Variants in BACE2 observed in about 807,000 individuals in gnomAD.
The protein encoded by BACE2 is 56 kDa aspartic-like protease.
A neutral mutation model predicts 46.2 loss-of-function variants in BACE2; 17 were observed. The ratio of observed to expected loss-of-function variants is 0.37; its 90% CI spans 0.25 to 0.55. The LOEUF (loss-of-function observed/expected upper bound fraction) is 0.55. BACE2 is among the 20% of genes least tolerant of loss of function. BACE2 has a pLI of 0.82. For synonymous variants in BACE2, 277 were observed against 295.9 expected (o/e 0.94, Z 0.66); for missense variants, 595 against 698.1 (o/e 0.85, Z 1.66).
Position 41,281,261 on chromosome 21 carries a change from A to G in BACE2, c.*5637A>G, listed in dbSNP as rs2088545388. The G allele has an allele frequency of 2.0e-5, 3 of 152,222 alleles. No individual in the cohort carries two copies. The South Asian group carries it at 6.2e-4, about 32-fold the overall frequency. 9.4% of individuals were successfully genotyped at this position (152,222 alleles called of 1,614,324 possible). On this transcript the variant is annotated 3_prime_UTR_variant, in exon 9 of 9. Transcript: ENST00000330333. Reference sequence around the variant, plus strand: ...CCATCTGAGTAAAATATTTTTTCCAATGTAGATTTATAATTAGAAATGACA... The same window carrying G: ...CCATCTGAGTAAAATATTTTTTCCAGTGTAGATTTATAATTAGAAATGACA...
chr21:41,211,054 A>G (rs914182), intron 1 of BACE2, among the ~76,000 whole-genome samples: 49,649 of 151,946 alleles, frequency 0.33, 8,811 homozygotes, highest in Middle Eastern at 0.46. Context: ...ACCTTCCCAA[A>G]TGTATAAATA....
At chr21:41,218,891 TCTC>T (rs1365417120) in intron 1 of BACE2, among the ~76,000 whole-genome samples, 1 of 145,978 alleles carries the variant, frequency 6.9e-6, no homozygotes, top group African/African-American at 2.6e-5. Context: ...TGTGACAGAG[TCTC>T]GCTCTGTCAC....
Position 41,246,007 on chromosome 21 carries a change from C to T in BACE2, c.928C>T (p.Arg310Cys), listed in dbSNP as rs967519091. 3 of 1,611,204 alleles carry T rather than the reference C, an allele frequency of 1.9e-6. No individual in the cohort carries two copies. The highest frequency in any genetic ancestry group is 1.1e-5 in the South Asian group (1 of 90,218). ...AIVDSGTTLLRLPQKVFDAVV... is the reference protein window; with the variant it reads ...AIVDSGTTLLCLPQKVFDAVV... ...CGTGGACAGTGGCACCACGCTGCTG[C>T]GCCTGCCCCAGAAGGTGTTTGATGC... The change falls in exon 6 of 9, where the codon CGC (arginine) becomes TGC (cysteine). Residue 310 changes from arginine to cysteine, a missense_variant. Coordinates refer to ENST00000330333, the MANE Select transcript of BACE2 (RefSeq NM_012105.5).
chr21:41,243,018 A>G (rs544048290), intron 4 of BACE2, among the ~76,000 whole-genome samples: 1 of 151,942 alleles, frequency 6.6e-6, no homozygotes, highest in Non-Finnish European at 1.5e-5. Context: ...TGTTCAAGCG[A>G]TTCTCCTGCC....
chr21:41,198,420 G>A (rs545495721), intron 1 of BACE2, among the ~76,000 whole-genome samples: 1 of 152,356 alleles, frequency 6.6e-6, no homozygotes, highest in East Asian at 1.9e-4. Context: ...CTGTTTCTGA[G>A]TTGAGTCGTA....
chr21:41,180,411 C>G (rs1320180116), intron 1 of BACE2: 1 of 169,206 alleles, frequency 5.9e-6, no homozygotes, highest in Non-Finnish European at 1.4e-5. Context: ...GTAACTACTT[C>G]CTGCTGAGTT....
chr21:41,198,710 T>A (rs976885459), intron 1 of BACE2, among the ~76,000 whole-genome samples: 1 of 152,150 alleles, frequency 6.6e-6, no homozygotes, highest in African/African-American at 2.4e-5. Flanking sequence ...ACTGCCCTTT[T>A]TTTTGTTTTG....
intron 8 of BACE2, among the ~76,000 whole-genome samples, chr21:41,269,648 T>A (rs757010224): frequency 2.3e-4 from 35 of 152,342 alleles, no homozygotes; most frequent in South Asian, 8.3e-4. Context: ...TATTTTGAGG[T>A]TCATCTATAA....
rs140693856 is a variant in BACE2, at chr21:41,237,582, C to T, written c.471C>T (p.Phe157=). 8 of 1,614,112 alleles carry T rather than the reference C, an allele frequency of 5.0e-6. No individual in the cohort carries two copies. The African/African-American group carries it at 5.3e-5, about 11-fold the overall frequency. The change falls in exon 3 of 9, where the codon TTC becomes TTT. Residue 157 remains phenylalanine (F), a synonymous_variant. Coordinates refer to ENST00000330333, the MANE Select transcript of BACE2 (RefSeq NM_012105.5). ...ACACACAAGGAAGCTGGACGGGCTT[C>T]GTTGGGGAAGACCTCGTCACCATCC... ...VKYTQGSWTG[F]VGEDLVTIPK...
chr21:41,243,407 A>C lies in BACE2; in HGVS notation c.779A>C (p.Lys260Thr), dbSNP rs878977136. ...GGTGGAATTGAACCAAGTTTGTATA[A>C]AGGAGACATCTGGTATACCCCTATT... is the stretch of plus-strand genomic sequence containing the variant. ...VLGGIEPSLY[K>T]GDIWYTPIKE... Residue 260 changes from lysine (K) to threonine (T), a missense_variant, in exon 5 of 9, where the codon AAA (lysine) becomes ACA (threonine). Physicochemically the swap from Lys to Thr is moderately conservative, Grantham distance 78. Coordinates refer to ENST00000330333, the MANE Select transcript of BACE2 (RefSeq NM_012105.5). The C allele has an allele frequency of 6.2e-7, 1 of 1,609,270 alleles. No homozygotes were observed. The highest frequency in any genetic ancestry group is 8.5e-7 in the Non-Finnish European group (1 of 1,178,416).
chr21:41,275,286 T>G, intron 8 of BACE2, 85 bp from the exon 9 acceptor site: 1 of 1,575,212 alleles, frequency 6.3e-7, no homozygotes, highest in Non-Finnish European at 8.6e-7. Flanking sequence ...TGTGGTTTAA[T>G]AAACCAAGGG....
chr21:41,277,636 G>C lies in BACE2; in HGVS notation c.*2012G>C, dbSNP rs1307362201. On this transcript the variant is annotated 3_prime_UTR_variant, in exon 9 of 9. Coordinates refer to ENST00000330333, the MANE Select transcript of BACE2 (RefSeq NM_012105.5). ...CCTGAAATAAGAGGAGGGAATCGCA[G>C]ACATGCCCTGATTAGTTTTCCTGCT... 1 of 152,240 alleles carries C rather than the reference G, an allele frequency of 6.6e-6. No homozygotes were observed. Among genetic ancestry groups the C allele is most frequent in the African/African-American group, 2.4e-5 (1 of 41,450 alleles). 9.4% of individuals were successfully genotyped at this position (152,240 alleles called of 1,614,324 possible). A position where few individuals can be genotyped will look rare whatever the true frequency, so the allele number is the denominator to read the frequency against.
intron 1 of BACE2, among the ~76,000 whole-genome samples, chr21:41,190,756 C>G (rs1215878748): frequency 6.6e-6 from 1 of 152,148 alleles, no homozygotes; most frequent in African/African-American, 2.4e-5. Context: ...AAGAGATGCC[C>G]TAATGGATCT....
intron 7 of BACE2, among the ~76,000 whole-genome samples, 184 bp from the exon 8 acceptor site, chr21:41,256,974 T>G (rs1435541687): frequency 2.0e-5 from 3 of 152,214 alleles, no homozygotes; most frequent in Admixed American, 6.5e-5. Context: ...TGATCAATAA[T>G]ATTGATCACC....
At chr21:41,176,396 C>T (rs1984841826) in intron 1 of BACE2, 1 of 152,118 alleles carries the variant, frequency 6.6e-6, no homozygotes, top group Admixed American at 6.5e-5. Context: ...AATAGAGATT[C>T]CCATATGCAG....
chr21:41,262,661 T>C (rs1424006051), intron 8 of BACE2, among the ~76,000 whole-genome samples: 2 of 152,166 alleles, frequency 1.3e-5, no homozygotes. Context: ...CCAGATCTTT[T>C]CATTTATTTA....
chr21:41,231,543 C>A (rs570794781), intron 2 of BACE2, among the ~76,000 whole-genome samples: 1 of 152,314 alleles, frequency 6.6e-6, no homozygotes, highest in South Asian at 2.1e-4. Context: ...TTCTCTGCAA[C>A]CAACAGCAGG....
intron 1 of BACE2, among the ~76,000 whole-genome samples, chr21:41,202,172 A>G (rs1048635462): frequency 6.6e-6 from 1 of 152,186 alleles, no homozygotes; most frequent in Non-Finnish European, 1.5e-5. Flanking sequence ...TGTTATGGTT[A>G]ATGCTTAGTT....
intron 8 of BACE2, among the ~76,000 whole-genome samples, chr21:41,264,140 A>T (rs2123639856): frequency 6.6e-6 from 1 of 151,888 alleles, no homozygotes; most frequent in African/African-American, 2.4e-5. Context: ...ATATTCATTG[A>T]GTCTTTTAAA....
Sources: allele counts gnomAD v4.1 joint callset (sites outside exome capture counted in the v4.1 genomes callset), GRCh38; gene constraint gnomAD v4.1.1; transcripts MANE v1.5; gene names NCBI Gene and HGNC (gene_info 2026-07-23, HGNC 2026-07-21).